The following DIS3L2 variants were observed in gnomAD, a reference collection of about 807,000 sequenced individuals.
DIS3L2 encodes the protein DIS3-like exonuclease 2.
A neutral mutation model predicts 97.5 loss-of-function variants in DIS3L2; 34 were observed. The ratio of observed to expected loss-of-function variants is 0.35; its 90% CI spans 0.27 to 0.46. The LOEUF (loss-of-function observed/expected upper bound fraction) is 0.46, where lower values mean the gene tolerates loss of function less well. DIS3L2 is among the 20% of genes least tolerant of loss of function. DIS3L2 has a pLI of 1.00. For synonymous variants in DIS3L2, 435 were observed against 445.2 expected (o/e 0.98, Z 0.29); for missense variants, 1,038 against 1,146.0 (o/e 0.91, Z 1.36).
At chr2:232,116,471 C>G (rs1459705278) in intron 6 of DIS3L2, among the ~76,000 whole-genome samples, 1 of 152,212 alleles carries the variant, frequency 6.6e-6, no homozygotes, top group African/African-American at 2.4e-5. Context: ...CAAGTTCATC[C>G]TACTGTCATT....
intron 13 of DIS3L2, among the ~76,000 whole-genome samples, chr2:232,294,977 T>C (rs1012145847): frequency 4.6e-5 from 7 of 152,192 alleles, no homozygotes; most frequent in African/African-American, 1.7e-4. Context: ...TGTTCCCCCG[T>C]AGGTCTCCTG....
At chr2:232,220,481 G>A (rs771007972) in intron 10 of DIS3L2, among the ~76,000 whole-genome samples, 3 of 152,028 alleles carry the variant, frequency 2.0e-5, no homozygotes, top group Admixed American at 6.5e-5. Flanking sequence ...AGGCCGAGGC[G>A]GGCAGATCAC....
At chr2:232,059,620 A>T (rs1056655638) in intron 5 of DIS3L2, among the ~76,000 whole-genome samples, 2 of 151,564 alleles carry the variant, frequency 1.3e-5, no homozygotes, top group Non-Finnish European at 2.9e-5. Flanking sequence ...TAGTTTTTCA[A>T]CTCTTGCCCC....
chr2:232,122,896 T>C (rs1173257720), intron 6 of DIS3L2, among the ~76,000 whole-genome samples: 1 of 152,216 alleles, frequency 6.6e-6, no homozygotes, highest in African/African-American at 2.4e-5. Flanking sequence ...GTAATTTATT[T>C]GTTTGGAGCC....
chr2:232,284,522 A>G (rs1202727414), intron 13 of DIS3L2, among the ~76,000 whole-genome samples: 1 of 152,200 alleles, frequency 6.6e-6, no homozygotes, highest in Non-Finnish European at 1.5e-5. Flanking sequence ...TTGTGTATTC[A>G]TGGAACATTG....
intron 1 of DIS3L2, among the ~76,000 whole-genome samples, chr2:231,983,990 T>A (rs1464821579): frequency 6.6e-6 from 1 of 152,066 alleles, no homozygotes; most frequent in South Asian, 2.1e-4. Context: ...ATAAAAAGGC[T>A]ATTTTTGTGT....
intron 9 of DIS3L2, among the ~76,000 whole-genome samples, chr2:232,193,590 A>G (rs1691672011): frequency 6.6e-6 from 1 of 152,192 alleles, no homozygotes. Context: ...TTTTGGTTCA[A>G]ATTTCTGCTT....
chr2:232,048,988 A>G (rs1695325647), intron 5 of DIS3L2, among the ~76,000 whole-genome samples: 1 of 152,194 alleles, frequency 6.6e-6, no homozygotes, highest in Non-Finnish European at 1.5e-5. Context: ...CATAGTATAT[A>G]TAGACACATA....
chr2:231,976,620 C>T (rs1391701194), intron 1 of DIS3L2, among the ~76,000 whole-genome samples: 1 of 149,784 alleles, frequency 6.7e-6, no homozygotes, highest in African/African-American at 2.5e-5. Flanking sequence ...CAAAGCGAGA[C>T]CCTCTCTCAA....
In DIS3L2 at chr2:232,333,965, C is replaced by T. The variant is rs566391334; in HGVS notation, c.2136C>T (p.His712=). The change falls in exon 17 of 21, where the codon CAC becomes CAT. Residue 712 remains histidine, a synonymous_variant. Transcript: ENST00000325385. ...PIRRFADVLV[H]RLLAAALGYR... ...GCCGCTTTGCCGACGTCCTGGTGCA[C>T]CGCCTCCTGGCTGCCGCGTTAGGTG... 1.2e-6 allele frequency: 2 copies of T among 1,612,292 alleles called. No individual in the cohort carries two copies. The highest frequency in any genetic ancestry group is 2.2e-5 in the East Asian group (1 of 44,860).
chr2:232,190,202 G>A (rs1175342674), intron 9 of DIS3L2, among the ~76,000 whole-genome samples: 1 of 152,106 alleles, frequency 6.6e-6, no homozygotes, highest in Non-Finnish European at 1.5e-5. Context: ...ATGTGGTGGT[G>A]CATGCCTGTG....
At chr2:232,089,668 C>T (rs879784566) in intron 6 of DIS3L2, among the ~76,000 whole-genome samples, 4 of 152,188 alleles carry the variant, frequency 2.6e-5, no homozygotes, top group South Asian at 2.1e-4. Context: ...AAAACTACTT[C>T]GTGGAAACCC....
intron 4 of DIS3L2, among the ~76,000 whole-genome samples, chr2:232,026,173 A>C (rs1574821226): frequency 6.6e-6 from 1 of 152,186 alleles, no homozygotes; most frequent in Admixed American, 6.5e-5. Context: ...GGACAGAAGT[A>C]GAAAAGAAGG....
chr2:232,127,594 C>T (rs959235307), intron 6 of DIS3L2, among the ~76,000 whole-genome samples: 4 of 152,214 alleles, frequency 2.6e-5, no homozygotes, highest in African/African-American at 7.2e-5. Context: ...CTGTCTTGCA[C>T]AGAATCCTTA....
intron 9 of DIS3L2, 116 bp downstream of exon 9, chr2:232,163,748 A>G: frequency 8.2e-7 from 1 of 1,225,380 alleles, no homozygotes; most frequent in Non-Finnish European, 1.1e-6. Context: ...TTCAGTTGGG[A>G]ATAGGTGCTT....
intron 7 of DIS3L2, among the ~76,000 whole-genome samples, chr2:232,134,716 C>T (rs903560319): frequency 2.6e-5 from 4 of 152,072 alleles, no homozygotes; most frequent in African/African-American, 9.7e-5. Context: ...CCTGTGGTCC[C>T]AGAAACTCAG....
At chr2:232,177,031 C>T (rs1240498159) in intron 9 of DIS3L2, among the ~76,000 whole-genome samples, 2 of 145,900 alleles carry the variant, frequency 1.4e-5, no homozygotes, top group Non-Finnish European at 3.0e-5. Context: ...GTTCAATTCC[C>T]ACCTATGAGT....
At chr2:232,143,362 T>C (rs1249303389) in intron 8 of DIS3L2, among the ~76,000 whole-genome samples, 2 of 152,198 alleles carry the variant, frequency 1.3e-5, no homozygotes, top group South Asian at 2.1e-4. Flanking sequence ...AGTTGGAATG[T>C]CATTCTTTGT....
At chr2:232,010,243 C>G (rs985746285) in intron 1 of DIS3L2, among the ~76,000 whole-genome samples, 1 of 152,080 alleles carries the variant, frequency 6.6e-6, no homozygotes, top group Non-Finnish European at 1.5e-5. Flanking sequence ...CTCATTCAAC[C>G]GTCTGGATAT....
Sources: gnomAD v4.1 joint callset for allele counts (sites outside exome capture counted in the v4.1 genomes callset) on GRCh38, gnomAD v4.1.1 for gene constraint, MANE v1.5 for transcripts, NCBI Gene and HGNC (gene_info 2026-07-23, HGNC 2026-07-21) for gene names.